EML1: variants seen among roughly 807,000 people sequenced by gnomAD.
EML1 encodes EMAP like 1.
In EML1, 27 loss-of-function variants were observed where a neutral mutation model predicts 110.4. The ratio of observed to expected loss-of-function variants is 0.24; its 90% CI spans 0.18 to 0.34. The LOEUF (loss-of-function observed/expected upper bound fraction) is 0.34. Ranked by LOEUF, EML1 falls within the 10% of genes least tolerant of loss-of-function variation. EML1 has a pLI of 1.00. For synonymous variants in EML1, 344 were observed against 385.8 expected, an observed-to-expected ratio of 0.89 and a Z score of 1.27; for missense variants, 741 against 1,030.9, an observed-to-expected ratio of 0.72 and a Z score of 3.85.
Position 99,911,532 on chromosome 14 carries a change from C to T in EML1, c.1450C>T (p.Leu484Phe), listed in dbSNP as rs1156530740. 2 of 1,612,564 alleles carry T rather than the reference C, an allele frequency of 1.2e-6. No individual in the cohort carries two copies. Among genetic ancestry groups the T allele is most frequent in the Non-Finnish European group, 1.7e-6 (2 of 1,179,778 alleles). Reference sequence around the variant, plus strand: ...GTCGGGAGGTGGGAAAGACCGAAAGCTCATTTCTTGGAGCGGAAACTATCA... The same window carrying T: ...GTCGGGAGGTGGGAAAGACCGAAAGTTCATTTCTTGGAGCGGAAACTATCA... Reference protein sequence around the residue: ...LVSGGGKDRKLISWSGNYQKL... With the variant: ...LVSGGGKDRKFISWSGNYQKL... The change falls in exon 13 of 22, where the codon CTC becomes TTC. Residue 484 changes from leucine (L) to phenylalanine (F), a missense_variant. By Grantham distance (22) the Leu-to-Phe change is conservative. Around this residue, in one of 4 missense-constraint regions of EML1, gnomAD observed 388 missense variants for 605.6 expected, o/e 0.64. Coordinates refer to ENST00000262233, the MANE Select transcript of EML1 (RefSeq NM_004434.3).
chr14:99,892,853 A>G (rs2059610734), intron 5 of EML1, among the ~76,000 whole-genome samples: 1 of 152,212 alleles, frequency 6.6e-6, no homozygotes, highest in African/African-American at 2.4e-5. Flanking sequence ...CCTAACCTAC[A>G]TTCTGCGAGC....
rs2059995864 is a variant in EML1, at chr14:99,914,263, C to T, written c.1579C>T (p.Leu527=). The T allele has an allele frequency of 1.9e-6, 3 of 1,613,912 alleles. No individual in the cohort carries two copies. Among genetic ancestry groups the T allele is most frequent in the Non-Finnish European group, 1.7e-6 (2 of 1,179,866 alleles). ...GATTGGCACAACTCGAAACTTTGTC[C>T]TGCAGGGCACTCTGTCAGGGGACTT... is the stretch of plus-strand genomic sequence containing the variant. ...ILIGTTRNFV[L]QGTLSGDFTP... is the part of the protein sequence containing the mutation. The change falls in exon 14 of 22, where the codon CTG becomes TTG. Residue 527 remains leucine, a synonymous_variant. Coordinates refer to ENST00000262233, the MANE Select transcript of EML1 (RefSeq NM_004434.3).
upstream of EML1, among the ~76,000 whole-genome samples, chr14:99,790,866 C>CTTTTTTTTTTTTTTTT (rs58349128): frequency 7.0e-6 from 1 of 142,680 alleles, no homozygotes; most frequent in Admixed American, 6.9e-5. Context: ...TTTTCTTTTC[C>CTTTTTTTTTTTTTTTT]TTTTTTTTTG....
Position 99,781,333 on chromosome 14 carries a change from G to T in EML1, c.-27+7320G>T, listed in dbSNP as rs909739214. Among the ~76,000 whole-genome samples, 2 of 152,016 alleles carry T rather than the reference G, an allele frequency of 1.3e-5. No individual in the cohort carries two copies. The highest frequency in any genetic ancestry group is 4.8e-5 in the African/African-American group (2 of 41,360). On this transcript the variant is annotated intron_variant, in intron 1 of 22. Coordinates refer to the EML1 transcript ENST00000327921. The surrounding 1 kb of genome is among the most constrained non-coding windows in gnomAD (Gnocchi z 4.2). ...CTAAGGCCCTGCCCTTGCTCATGGG[G>T]TGTGCCTCCCATGCTGTATGGCATC...
intron 1 of EML1, among the ~76,000 whole-genome samples, chr14:99,818,362 G>T (rs1264605798): frequency 1.3e-5 from 2 of 152,174 alleles, no homozygotes; most frequent in Non-Finnish European, 2.9e-5. Flanking sequence ...GACAATGGAG[G>T]TGAATGTGTG....
At chr14:99,932,027 C>T (rs979843019) in intron 17 of EML1, among the ~76,000 whole-genome samples, 1 of 152,160 alleles carries the variant, frequency 6.6e-6, no homozygotes, top group Non-Finnish European at 1.5e-5. Flanking sequence ...GCCTGCATTT[C>T]CACATCACGC....
At chr14:99,783,674 G>A (rs1359257592) in intron 1 of EML1, among the ~76,000 whole-genome samples, 1 of 151,908 alleles carries the variant, frequency 6.6e-6, no homozygotes, top group African/African-American at 2.4e-5. Flanking sequence ...TAGTAAAGAA[G>A]GGGTTTCACC....
intron 16 of EML1, among the ~76,000 whole-genome samples, chr14:99,920,142 C>T (rs897635736): frequency 5.9e-5 from 9 of 152,154 alleles, no homozygotes; most frequent in Admixed American, 6.5e-5. Context: ...CATTATCATT[C>T]GACTTTAATA....
intron 1 of EML1, among the ~76,000 whole-genome samples, chr14:99,778,926 T>C (rs2057511171): frequency 6.6e-6 from 1 of 152,232 alleles, no homozygotes; most frequent in Non-Finnish European, 1.5e-5. Flanking sequence ...TCCCCAGTGT[T>C]CTAAAACATC....
At chr14:99,788,631 A>ATGTGTGTG (rs376095429), upstream of EML1, among the ~76,000 whole-genome samples, 10 of 150,260 alleles carry the variant, frequency 6.7e-5, no homozygotes, top group African/African-American at 2.4e-4. Flanking sequence ...TCTCCCTAAT[A>ATGTGTGTG]TGTGTGTGTG....
chr14:99,834,309 C>T (rs1595358705), intron 1 of EML1, among the ~76,000 whole-genome samples: 1 of 148,440 alleles, frequency 6.7e-6, no homozygotes, highest in African/African-American at 2.5e-5. Flanking sequence ...AGAATGTTTC[C>T]TTTTTTTTTT....
At chr14:99,894,806 C>A in intron 6 of EML1, 48 bp downstream of exon 6, 1 of 1,563,156 alleles carries the variant, frequency 6.4e-7, no homozygotes, top group South Asian at 1.2e-5. Flanking sequence ...ATCAGTCAAT[C>A]AATGCTTGAT....
rs149764914 is a variant in EML1, at chr14:99,778,467, G to C, written c.-27+4454G>C. Among the ~76,000 whole-genome samples, 67 of 151,970 alleles carry C rather than the reference G, an allele frequency of 4.4e-4. No homozygotes were observed. The South Asian group carries it at 8.1e-3, about 18-fold the overall frequency. On this transcript the variant is annotated intron_variant, in intron 1 of 22. Coordinates refer to the EML1 transcript ENST00000327921. ...TTCAGCTTCTTGGTGGCATTTCTCC[G>C]GAGCCTCTGTTATCCCACTGTAGTC...
intron 1 of EML1, among the ~76,000 whole-genome samples, chr14:99,785,322 T>C (rs1327731118): frequency 6.6e-6 from 1 of 152,212 alleles, no homozygotes; most frequent in Non-Finnish European, 1.5e-5. Flanking sequence ...CCCAAAGTGT[T>C]GGGATTACAG....
At chr14:99,852,352 C>A (rs961888581) in intron 2 of EML1, among the ~76,000 whole-genome samples, 7 of 152,212 alleles carry the variant, frequency 4.6e-5, no homozygotes, top group African/African-American at 1.4e-4. Context: ...CAGTGGCACA[C>A]GCCTGTAATC....
intron 1 of EML1, among the ~76,000 whole-genome samples, chr14:99,839,909 C>G (rs963487265): frequency 7.9e-5 from 12 of 152,192 alleles, no homozygotes; most frequent in African/African-American, 2.9e-4. Context: ...AGTCTGAGAA[C>G]AGAAATAAAG....
chr14:99,843,320 A>C lies in EML1; in HGVS notation c.68-7533A>C, dbSNP rs80241939. 5.8e-4 allele frequency among the ~76,000 whole-genome samples: 89 copies of C among 152,326 alleles called. No individual in the cohort carries two copies. The East Asian group carries it at 0.016, about 28-fold the overall frequency. On this transcript the variant is annotated intron_variant, in intron 1 of 21. Transcript: ENST00000262233. The stretch of plus-strand genomic sequence containing the variant: ...CATGATTTAAAAAGCAAATATTATT[A>C]ATTATGCACTAATTTCTAATTATTC...
At chr14:99,824,895 A>G (rs573249439) in intron 1 of EML1, among the ~76,000 whole-genome samples, 38 of 152,226 alleles carry the variant, frequency 2.5e-4, no homozygotes, top group Non-Finnish European at 5.0e-4. Context: ...TTTCTGAGTT[A>G]CTGCACTTAG....
At chr14:99,864,641 A>G (rs889533919) in intron 2 of EML1, among the ~76,000 whole-genome samples, 1 of 151,996 alleles carries the variant, frequency 6.6e-6, no homozygotes, top group Non-Finnish European at 1.5e-5. Context: ...GCGAAACCCC[A>G]TCTCTACTAA....
Sources: gnomAD v4.1 joint callset for allele counts (sites outside exome capture counted in the v4.1 genomes callset) on GRCh38, gnomAD v4.1.1 for gene constraint, gnomAD v4.1.1 regional missense constraint, Gnocchi (gnomAD v3.1) non-coding constraint, MANE v1.5 for transcripts, NCBI Gene and HGNC (gene_info 2026-07-23, HGNC 2026-07-21) for gene names.